RCOR1: variants seen among roughly 807,000 people sequenced by gnomAD.
The protein encoded by RCOR1 is REST corepressor 1.
In RCOR1, 12 loss-of-function variants were observed where a neutral mutation model predicts 64.0. The observed-to-expected ratio is 0.19, with a 90% CI of 0.12 to 0.30. The LOEUF (loss-of-function observed/expected upper bound fraction) is 0.30, where lower values mean the gene tolerates loss of function less well. RCOR1 is among the 10% of genes least tolerant of loss of function. RCOR1 has a pLI of 1.00. For missense variants in RCOR1, 502 were observed against 621.2 expected (o/e 0.81, Z 2.04); for synonymous variants, 279 against 227.2 (o/e 1.23, Z -2.05).
chr14:102,718,460 A>G (rs552998642), intron 8 of RCOR1, among the ~76,000 whole-genome samples: 31 of 152,252 alleles, frequency 2.0e-4, no homozygotes, highest in Admixed American at 5.2e-4. Flanking sequence ...TAAATTAGCC[A>G]GTGAACAGTG....
chr14:102,725,837 C>T (rs1595248662), intron 11 of RCOR1, among the ~76,000 whole-genome samples: 1 of 152,108 alleles, frequency 6.6e-6, no homozygotes, highest in East Asian at 1.9e-4. Context: ...TCCCAAAGTG[C>T]TGGGATTACA....
intron 2 of RCOR1, among the ~76,000 whole-genome samples, chr14:102,618,610 C>G (rs555105873): frequency 6.6e-6 from 1 of 152,266 alleles, no homozygotes; most frequent in South Asian, 2.1e-4. Context: ...TCGACCCTGT[C>G]TCAAAACTAA....
chr14:102,614,339 C>G (rs1183227596), intron 2 of RCOR1, among the ~76,000 whole-genome samples: 1 of 151,406 alleles, frequency 6.6e-6, no homozygotes, highest in Non-Finnish European at 1.5e-5. Context: ...ATTCTCCTGC[C>G]TCAGCCCCCC....
intron 10 of RCOR1, among the ~76,000 whole-genome samples, chr14:102,721,873 G>T (rs557238877): frequency 6.6e-6 from 1 of 152,144 alleles, no homozygotes; most frequent in Non-Finnish European, 1.5e-5. Context: ...AGCTTTAAAG[G>T]TTGGGGGTGC....
At chr14:102,638,867 T>C (rs552410139) in intron 2 of RCOR1, among the ~76,000 whole-genome samples, 1 of 152,318 alleles carries the variant, frequency 6.6e-6, no homozygotes, top group South Asian at 2.1e-4. Context: ...TTCGCCATGC[T>C]GGCCAGGCTG....
At chr14:102,682,062 T>G in intron 3 of RCOR1, 84 bp downstream of exon 3, 1 of 725,770 alleles carries the variant, frequency 1.4e-6, no homozygotes, top group East Asian at 2.7e-5. Flanking sequence ...AGCTTCTATA[T>G]GTATTAAATT....
chr14:102,593,463 C>G, intron 2 of RCOR1, 138 bp downstream of exon 2: 1 of 922,830 alleles, frequency 1.1e-6, no homozygotes, highest in Non-Finnish European at 1.5e-6. Context: ...AACAGCAGGG[C>G]GAGGACGAGG....
intron 2 of RCOR1, among the ~76,000 whole-genome samples, chr14:102,638,589 A>G (rs1210761839): frequency 2.0e-5 from 3 of 151,230 alleles, no homozygotes; most frequent in African/African-American, 7.3e-5. Flanking sequence ...CAAGTGAGCT[A>G]CTGGCCTTGG....
chr14:102,705,872 T>TAA (rs1400425568), intron 4 of RCOR1, among the ~76,000 whole-genome samples: 1 of 151,886 alleles, frequency 6.6e-6, no homozygotes, highest in Non-Finnish European at 1.5e-5. Context: ...CTCACACCTA[T>TAA]AATCCCAGCA....
chr14:102,632,148 A>G (rs548393805), intron 2 of RCOR1, among the ~76,000 whole-genome samples: 1 of 150,758 alleles, frequency 6.6e-6, no homozygotes, highest in East Asian at 2.0e-4. Flanking sequence ...ATGATGACAG[A>G]AAGAGTTTAA....
chr14:102,602,823 A>T (rs1038865248), intron 2 of RCOR1, among the ~76,000 whole-genome samples: 2 of 151,330 alleles, frequency 1.3e-5, no homozygotes, highest in East Asian at 3.9e-4. Context: ...CTCCTGTCTC[A>T]GTTTCCTGAG....
At chr14:102,718,911 C>G (rs1156839740) in intron 8 of RCOR1, among the ~76,000 whole-genome samples, 1 of 152,052 alleles carries the variant, frequency 6.6e-6, no homozygotes, top group Non-Finnish European at 1.5e-5. Context: ...ACCTCAGCCC[C>G]CTAAGTAGGT....
intron 2 of RCOR1, among the ~76,000 whole-genome samples, chr14:102,621,260 C>T (rs1042212984): frequency 2.0e-5 from 3 of 151,838 alleles, no homozygotes; most frequent in Admixed American, 2.0e-4. Flanking sequence ...GCACAAGCCA[C>T]TACATCTAGA....
At position 102,726,576 on chromosome 14, in the gene RCOR1, C is replaced by T. The variant is rs1896269145; in HGVS notation, c.*70C>T. ...CGGGATATCAGGTATTATGAGACATCACCTAGCCATCTGCATCACATCTCT... is the reference window on the plus strand; with the variant it reads ...CGGGATATCAGGTATTATGAGACATTACCTAGCCATCTGCATCACATCTCT... On this transcript the variant is annotated 3_prime_UTR_variant, in exon 12 of 12. Coordinates refer to ENST00000262241, the MANE Select transcript of RCOR1 (RefSeq NM_015156.4). 2.3e-6 allele frequency: 3 copies of T among 1,295,106 alleles called. No individual in the cohort carries two copies. The highest frequency in any genetic ancestry group is 3.3e-6 in the Non-Finnish European group (3 of 914,290). 80.2% of individuals were successfully genotyped at this position (1,295,106 alleles called of 1,614,324 possible). A position where few individuals can be genotyped will look rare whatever the true frequency, so the allele number is the denominator to read the frequency against.
At position 102,664,972 on chromosome 14, in the gene RCOR1, A is replaced by G. The variant is rs114928637; in HGVS notation, c.362-16923A>G. Among the ~76,000 whole-genome samples, 1,431 of 152,268 alleles carry G rather than the reference A, an allele frequency of 9.4e-3. 24 individuals carry two copies. Among genetic ancestry groups the G allele is most frequent in the African/African-American group, 0.033 (1,355 of 41,554 alleles). On this transcript the variant is annotated intron_variant, in intron 2 of 11. Transcript: ENST00000262241. Reference sequence around the variant, plus strand: ...TTTGATCTTTTCCTCGGCTAGCAATATGTGGTGTAATACCCTTACATGAGA... The same window carrying G: ...TTTGATCTTTTCCTCGGCTAGCAATGTGTGGTGTAATACCCTTACATGAGA...
chr14:102,714,699 C>T (rs1259202723), intron 8 of RCOR1, 82 bp downstream of exon 8: 12 of 1,081,702 alleles, frequency 1.1e-5, no homozygotes, highest in African/African-American at 3.1e-5. Flanking sequence ...TGTGAATGTT[C>T]TCTTTCCGCA....
chr14:102,622,100 A>G (rs141758381), intron 2 of RCOR1, among the ~76,000 whole-genome samples: 1 of 152,330 alleles, frequency 6.6e-6, no homozygotes, highest in Non-Finnish European at 1.5e-5. Context: ...AACATTAGAA[A>G]CAGTGGAAAA....
At chr14:102,673,861 C>T (rs767264746) in intron 2 of RCOR1, among the ~76,000 whole-genome samples, 9 of 152,286 alleles carry the variant, frequency 5.9e-5, no homozygotes, top group Admixed American at 1.3e-4. Context: ...GTGATCCGCC[C>T]GCCGCCGCCT....
intron 2 of RCOR1, among the ~76,000 whole-genome samples, chr14:102,604,091 T>G (rs1893455525): frequency 1.3e-5 from 2 of 152,222 alleles, no homozygotes; most frequent in Non-Finnish European, 2.9e-5. Context: ...ATTTCTAAGA[T>G]GAATGTTACT....
Sources: gnomAD v4.1 joint callset for allele counts (sites outside exome capture counted in the v4.1 genomes callset) on GRCh38, gnomAD v4.1.1 for gene constraint, MANE v1.5 for transcripts, NCBI Gene and HGNC (gene_info 2026-07-23, HGNC 2026-07-21) for gene names.